Variants in MCUB observed in about 807,000 individuals in gnomAD.
MCUB encodes mitochondrial calcium uniporter dominant negative subunit beta.
Under a neutral mutation model 41.4 loss-of-function variants are expected in MCUB, and 46 were observed. The ratio of observed to expected loss-of-function variants is 1.11; its 90% confidence interval spans 0.88 to 1.42. The LOEUF is 1.42. Ranked by LOEUF, MCUB falls within the 40% of genes most tolerant of loss-of-function variation. The pLI is 0.00. For synonymous variants in MCUB, 148 were observed against 148.2 expected, an observed-to-expected ratio of 1.00 and a Z score of 0.01; for missense variants, 403 against 404.9, an observed-to-expected ratio of 1.00 and a Z score of 0.04.
At chr4:109,597,737 C>T (rs1284262137) in intron 1 of MCUB, among the ~76,000 whole-genome samples, 1 of 134,176 alleles carries the variant, frequency 7.5e-6, no homozygotes, top group African/African-American at 3.5e-5. Context: ...GGGGGGCTGA[C>T]CCCCCCACCT....
intron 1 of MCUB, among the ~76,000 whole-genome samples, chr4:109,569,943 C>T (rs866921176): frequency 1.3e-5 from 2 of 152,084 alleles, no homozygotes; most frequent in African/African-American, 2.4e-5. Context: ...AAAGAAGTTC[C>T]GAGAATGGTA....
chr4:109,599,095 T>G (rs1001197317), intron 1 of MCUB, among the ~76,000 whole-genome samples: 1 of 152,228 alleles, frequency 6.6e-6, no homozygotes, highest in Non-Finnish European at 1.5e-5. Flanking sequence ...GAAGGTCTTC[T>G]CAACAATGGA....
intron 1 of MCUB, among the ~76,000 whole-genome samples, chr4:109,636,628 A>C (rs1728596400): frequency 6.6e-6 from 1 of 152,226 alleles, no homozygotes; most frequent in Non-Finnish European, 1.5e-5. Flanking sequence ...TGAGGTCAGG[A>C]GTTCGAGACC....
intron 1 of MCUB, among the ~76,000 whole-genome samples, chr4:109,604,931 G>A (rs1257668363): frequency 1.3e-5 from 2 of 152,124 alleles, no homozygotes; most frequent in African/African-American, 4.8e-5. Flanking sequence ...CTAGCATTTT[G>A]TTGAGGATTT....
intron 1 of MCUB, among the ~76,000 whole-genome samples, chr4:109,643,004 A>C (rs551940825): frequency 6.7e-6 from 1 of 148,474 alleles, no homozygotes; most frequent in South Asian, 2.1e-4. Flanking sequence ...TGTGTTGGCC[A>C]GGCTTGTCTC....
At chr4:109,582,920 A>G (rs1229928426) in intron 1 of MCUB, among the ~76,000 whole-genome samples, 1 of 152,070 alleles carries the variant, frequency 6.6e-6, no homozygotes, top group Non-Finnish European at 1.5e-5. Flanking sequence ...CCATGGGTCT[A>G]TGTATCTGTT....
intron 1 of MCUB, among the ~76,000 whole-genome samples, chr4:109,621,921 A>T (rs1728258092): frequency 6.6e-6 from 1 of 152,054 alleles, no homozygotes; most frequent in Non-Finnish European, 1.5e-5. Flanking sequence ...TCACTCTGTC[A>T]CCCAGGCTGG....
At chr4:109,593,707 A>G (rs1185712307) in intron 1 of MCUB, among the ~76,000 whole-genome samples, 2 of 152,252 alleles carry the variant, frequency 1.3e-5, no homozygotes, top group Non-Finnish European at 2.9e-5. Context: ...CCAATGCAAC[A>G]TACCCTTACA....
At chr4:109,670,647 C>T (rs546696406) in intron 4 of MCUB, among the ~76,000 whole-genome samples, 23 of 151,538 alleles carry the variant, frequency 1.5e-4, no homozygotes, top group East Asian at 3.9e-4. Flanking sequence ...ACCCGGAAGG[C>T]GGAAGCTGCA....
intron 4 of MCUB, among the ~76,000 whole-genome samples, chr4:109,679,528 C>T (rs1729667282): frequency 6.6e-6 from 1 of 152,134 alleles, no homozygotes; most frequent in South Asian, 2.1e-4. Context: ...TGCCTGGAAT[C>T]CCAGGCACTC....
chr4:109,634,603 A>C (rs1025691387), intron 1 of MCUB, among the ~76,000 whole-genome samples: 5 of 151,954 alleles, frequency 3.3e-5, no homozygotes, highest in African/African-American at 1.2e-4. Flanking sequence ...TCTTTTTCAA[A>C]TTTATATGAA....
At chr4:109,595,673 C>G (rs1727538789) in intron 1 of MCUB, among the ~76,000 whole-genome samples, 1 of 152,278 alleles carries the variant, frequency 6.6e-6, no homozygotes, top group Admixed American at 6.5e-5. Context: ...AGAGAGATTT[C>G]CATCATCACA....
intron 1 of MCUB, among the ~76,000 whole-genome samples, chr4:109,563,760 A>G (rs1179548768): frequency 6.6e-6 from 1 of 152,236 alleles, no homozygotes; most frequent in Non-Finnish European, 1.5e-5. Context: ...GCAGAAAGAT[A>G]TTTGTTGAAT....
chr4:109,684,422 C>T, intron 5 of MCUB, 21 bp from the exon 6 acceptor site: 3 of 1,575,074 alleles, frequency 1.9e-6, no homozygotes, highest in Non-Finnish European at 2.6e-6. Context: ...ACAGAATTAA[C>T]AGTTTTTCAT....
chr4:109,684,068 T>TC (rs1348795198), intron 5 of MCUB, among the ~76,000 whole-genome samples: 1 of 148,874 alleles, frequency 6.7e-6, no homozygotes, highest in African/African-American at 2.4e-5. Flanking sequence ...CTCTTTTCTT[T>TC]TTTTTTTTTT....
chr4:109,664,094 A>G (rs554649697), intron 3 of MCUB, among the ~76,000 whole-genome samples, 196 bp from the exon 4 acceptor site: 5 of 152,234 alleles, frequency 3.3e-5, no homozygotes, highest in Non-Finnish European at 7.3e-5. Context: ...ATTTCGTCCA[A>G]GGAAATGGGA....
At chr4:109,618,331 T>C (rs1475929403) in intron 1 of MCUB, among the ~76,000 whole-genome samples, 4 of 152,196 alleles carry the variant, frequency 2.6e-5, no homozygotes, top group Non-Finnish European at 5.9e-5. Context: ...GTGAGTGATA[T>C]TCTAAGTGCT....
chr4:109,610,333 A>G (rs1727979017), intron 1 of MCUB, among the ~76,000 whole-genome samples: 1 of 151,226 alleles, frequency 6.6e-6, no homozygotes, highest in Non-Finnish European at 1.5e-5. Flanking sequence ...TAGATGCTAA[A>G]TTTGGTGTTC....
intron 1 of MCUB, among the ~76,000 whole-genome samples, chr4:109,594,771 TTC>T (rs146074406): frequency 0.026 from 3,857 of 151,202 alleles, 126 homozygotes; most frequent in South Asian, 0.074. Context: ...TCCGGAAAAA[TTC>T]TCTTTCTTTT....
Sources: allele counts gnomAD v4.1 joint callset (sites outside exome capture counted in the v4.1 genomes callset), GRCh38; gene constraint gnomAD v4.1.1; transcripts MANE v1.5; gene names NCBI Gene and HGNC (gene_info 2026-07-23, HGNC 2026-07-21).